Variants in LARGE1 observed in about 807,000 individuals in gnomAD.
LARGE1 encodes the protein LARGE xylosyl- and glucuronyltransferase 1.
LARGE1 carries 43 observed loss-of-function variants against 87.6 expected under a neutral mutation model. The ratio of observed to expected loss-of-function variants is 0.49; its 90% CI spans 0.38 to 0.63. The LOEUF (loss-of-function observed/expected upper bound fraction) is 0.63. LARGE1 is among the 30% of genes least tolerant of loss of function. The pLI, the probability that LARGE1 is intolerant of heterozygous loss-of-function variation, is 0.00. For missense variants in LARGE1, 802 were observed against 1,000.2 expected (o/e 0.80, Z 2.67); for synonymous variants, 434 against 394.6 (o/e 1.10, Z -1.18).
At chr22:33,890,799 CG>C (rs141463694) in intron 1 of LARGE1, among the ~76,000 whole-genome samples, 18 of 45,448 alleles carry the variant, frequency 4.0e-4, no homozygotes, top group East Asian at 1.2e-3. Flanking sequence ...GGGGTGGGGG[CG>C]GGGGGGTGCT....
chr22:33,083,643 G>A, the LARGE1 span, among the ~76,000 whole-genome samples: 1 of 152,296 alleles, frequency 6.6e-6, no homozygotes, highest in South Asian at 2.1e-4. Context: ...ATAAATAAAT[G>A]CTGAGATTTA....
At chr22:33,605,272 G>T (rs932618994) in intron 4 of LARGE1, among the ~76,000 whole-genome samples, 1 of 152,032 alleles carries the variant, frequency 6.6e-6, no homozygotes, top group African/African-American at 2.4e-5. Flanking sequence ...TCAGATTCTG[G>T]TGGCAAACAA....
At chr22:33,431,312 CTGG>C (rs2067072640) in intron 7 of LARGE1, among the ~76,000 whole-genome samples, 1 of 152,084 alleles carries the variant, frequency 6.6e-6, no homozygotes, top group South Asian at 2.1e-4. Flanking sequence ...CAAGGGACAG[CTGG>C]TGAACAAGAA....
At chr22:33,582,760 C>A (rs1386512704) in intron 5 of LARGE1, among the ~76,000 whole-genome samples, 1 of 152,226 alleles carries the variant, frequency 6.6e-6, no homozygotes, top group Non-Finnish European at 1.5e-5. Flanking sequence ...TGAATACTTC[C>A]ACCAAAGTTC....
intron 1 of LARGE1, among the ~76,000 whole-genome samples, chr22:33,913,410 C>T (rs993272744): frequency 6.6e-6 from 1 of 152,156 alleles, no homozygotes; most frequent in African/African-American, 2.4e-5. Context: ...GATGTAACTC[C>T]ATGTGTTAGG....
At chr22:33,814,328 C>G (rs909040312) in intron 1 of LARGE1, among the ~76,000 whole-genome samples, 2 of 152,136 alleles carry the variant, frequency 1.3e-5, no homozygotes, top group Non-Finnish European at 2.9e-5. Flanking sequence ...CAATAGGGCC[C>G]AACAGGGTCA....
At chr22:33,739,308 G>A (rs536810887) in intron 2 of LARGE1, among the ~76,000 whole-genome samples, 8 of 152,008 alleles carry the variant, frequency 5.3e-5, no homozygotes, top group East Asian at 1.9e-4. Flanking sequence ...ATGAACTCTC[G>A]AGCCTCCCTG....
At chr22:33,176,369 C>A (rs766474867) in intron 11 of LARGE1, among the ~76,000 whole-genome samples, 1 of 152,066 alleles carries the variant, frequency 6.6e-6, no homozygotes, top group Non-Finnish European at 1.5e-5. Flanking sequence ...GAACAGGCAA[C>A]CTACAGAATG....
intron 1 of LARGE1, among the ~76,000 whole-genome samples, chr22:33,837,523 G>A (rs965085940): frequency 1.1e-4 from 17 of 152,118 alleles, no homozygotes; most frequent in African/African-American, 2.4e-4. Context: ...AGAGACAAAC[G>A]TAACCATTGA....
chr22:33,725,338 G>A (rs1280741389), intron 2 of LARGE1, among the ~76,000 whole-genome samples: 9 of 152,186 alleles, frequency 5.9e-5, no homozygotes, highest in African/African-American at 1.2e-4. Flanking sequence ...GGCCTCGGCC[G>A]GTATTCTGAA....
chr22:33,435,188 G>A lies in LARGE1; in HGVS notation c.788-2923C>T, dbSNP rs150503718. Among the ~76,000 whole-genome samples the A allele has an allele frequency of 8.5e-3, 1,300 of 152,196 alleles. 22 individuals are homozygous for A. Among genetic ancestry groups the A allele is most frequent in the African/African-American group, 0.03 (1,243 of 41,522 alleles). The stretch of plus-strand genomic sequence containing the variant: ...GGCTAATTTTTGTATTTTTAGCAGA[G>A]ACAGGGTTTCGCCATGTTGACCAGG... On this transcript the variant is annotated intron_variant, in intron 6 of 14. Transcript: ENST00000397394.
intron 2 of LARGE1, among the ~76,000 whole-genome samples, chr22:33,739,608 G>A (rs1403157171): frequency 1.3e-5 from 2 of 152,176 alleles, no homozygotes; most frequent in Non-Finnish European, 2.9e-5. Flanking sequence ...CTAAGGGAGG[G>A]AGTCAGAGAA....
intron 1 of LARGE1, among the ~76,000 whole-genome samples, chr22:33,892,995 T>A (rs554370771): frequency 6.6e-6 from 1 of 152,332 alleles, no homozygotes; most frequent in East Asian, 1.9e-4. Context: ...AATAGGTGAC[T>A]TTGAATCCAA....
intron 11 of LARGE1, among the ~76,000 whole-genome samples, chr22:33,251,171 C>A (rs146455422): frequency 1.6e-4 from 25 of 152,282 alleles, no homozygotes. Flanking sequence ...ATTTGATATC[C>A]TAGAGCCAAA....
chr22:33,591,786 C>A (rs2078844451), intron 5 of LARGE1, among the ~76,000 whole-genome samples: 1 of 147,938 alleles, frequency 6.8e-6, no homozygotes, highest in African/African-American at 2.5e-5. Flanking sequence ...GGTAGCAGGA[C>A]TGCTTGGGCC....
At chr22:33,877,728 G>A (rs1230581989) in intron 1 of LARGE1, among the ~76,000 whole-genome samples, 1 of 152,054 alleles carries the variant, frequency 6.6e-6, no homozygotes, top group African/African-American at 2.4e-5. Flanking sequence ...TTCGAGACCA[G>A]CCTGGCCAAC....
chr22:33,873,099 C>G (rs969182098), intron 1 of LARGE1: 2 of 152,202 alleles, frequency 1.3e-5, no homozygotes, highest in Admixed American at 6.5e-5. Context: ...AGAAAGCATG[C>G]CCACTCACCT....
At chr22:33,368,500 C>G (rs1206808154) in intron 9 of LARGE1, among the ~76,000 whole-genome samples, 1 of 145,708 alleles carries the variant, frequency 6.9e-6, no homozygotes, top group Non-Finnish European at 1.5e-5. Flanking sequence ...TGCCACTGCA[C>G]CACAGCCTGG....
intron 11 of LARGE1, among the ~76,000 whole-genome samples, chr22:33,214,287 T>A (rs950776533): frequency 1.5e-4 from 23 of 152,236 alleles, no homozygotes; most frequent in African/African-American, 5.5e-4. Context: ...ATGGGTTCTC[T>A]TTGTGTATCT....
Sources: gnomAD v4.1 joint callset for allele counts (sites outside exome capture counted in the v4.1 genomes callset) on GRCh38, gnomAD v4.1.1 for gene constraint, MANE v1.5 for transcripts, NCBI Gene and HGNC (gene_info 2026-07-23, HGNC 2026-07-21) for gene names.